The following AGBL1 variants were observed in gnomAD, a reference collection of about 807,000 sequenced individuals.
AGBL1 encodes the protein AGBL carboxypeptidase 1.
In AGBL1, 130 loss-of-function variants were observed where a neutral mutation model predicts 118.9. The observed-to-expected ratio is 1.09, with a 90% CI of 0.95 to 1.26. AGBL1 has a LOEUF of 1.26. Among genes scored for constraint, AGBL1 ranks in the 50% most tolerant of loss-of-function variants. The pLI is 0.00. For synonymous variants in AGBL1, 555 were observed against 478.9 expected (o/e 1.16, Z -2.08); for missense variants, 1,584 against 1,298.1 (o/e 1.22, Z -3.38).
At chr15:86,313,464 C>G (rs912322871) in intron 17 of AGBL1, among the ~76,000 whole-genome samples, 3 of 152,138 alleles carry the variant, frequency 2.0e-5, no homozygotes, top group Admixed American at 6.5e-5. Flanking sequence ...ATCTTAATTT[C>G]TTTTCAATCA....
At chr15:86,890,206 G>A (rs1476760311) in intron 22 of AGBL1, among the ~76,000 whole-genome samples, 3 of 152,142 alleles carry the variant, frequency 2.0e-5, no homozygotes, top group African/African-American at 7.2e-5. Flanking sequence ...CTTTTGAGAA[G>A]TGTCTGTTCA....
intron 22 of AGBL1, among the ~76,000 whole-genome samples, chr15:86,782,167 C>G (rs1471875281): frequency 3.3e-5 from 5 of 152,066 alleles, no homozygotes; most frequent in Admixed American, 6.6e-5. Flanking sequence ...ACGTTTTTAT[C>G]TCTTTTAAAT....
downstream of AGBL1, among the ~76,000 whole-genome samples, chr15:86,920,408 G>A (rs987260342): frequency 5.9e-5 from 9 of 152,178 alleles, no homozygotes; most frequent in Non-Finnish European, 4.4e-5. Flanking sequence ...AGGCTAGTGT[G>A]ATTAGGTTAG....
At chr15:86,895,052 T>TCTTCC (rs1555460500) in intron 22 of AGBL1, among the ~76,000 whole-genome samples, 1 of 145,696 alleles carries the variant, frequency 6.9e-6, no homozygotes, top group Non-Finnish European at 1.5e-5. Context: ...TTTTGTTCCT[T>TCTTCC]CTTTCTTTTA....
intron 22 of AGBL1, among the ~76,000 whole-genome samples, chr15:86,857,931 A>C (rs1331727860): frequency 2.6e-5 from 4 of 152,098 alleles, no homozygotes; most frequent in African/African-American, 9.7e-5. Flanking sequence ...CTTTTCTTTC[A>C]CAAATGTTTT....
intron 21 of AGBL1, among the ~76,000 whole-genome samples, chr15:86,563,992 C>T (rs906676032): frequency 2.0e-5 from 3 of 152,134 alleles, no homozygotes; most frequent in Admixed American, 6.5e-5. Flanking sequence ...GGTAGATCTT[C>T]CTCCATCCCT....
chr15:86,092,937 C>T (rs1896129533), intron 1 of AGBL1, among the ~76,000 whole-genome samples: 2 of 152,154 alleles, frequency 1.3e-5, no homozygotes, highest in South Asian at 4.1e-4. Flanking sequence ...TCCCTTAATA[C>T]AATTGCATTG....
intron 23 of AGBL1, among the ~76,000 whole-genome samples, chr15:86,985,917 G>T (rs2464280): frequency 0.82 from 123,691 of 151,224 alleles, 51,115 homozygotes; most frequent in South Asian, 0.95. Flanking sequence ...TATATGGATA[G>T]CAATCTTTTT....
At chr15:86,944,099 C>T (rs1024470667) in intron 23 of AGBL1, among the ~76,000 whole-genome samples, 5 of 152,054 alleles carry the variant, frequency 3.3e-5, no homozygotes, top group Non-Finnish European at 5.9e-5. Flanking sequence ...GGGTGGGGCG[C>T]GGTGGCTCAT....
intron 17 of AGBL1, among the ~76,000 whole-genome samples, chr15:86,353,674 T>C (rs1012958926): frequency 6.6e-6 from 1 of 152,190 alleles, no homozygotes; most frequent in Non-Finnish European, 1.5e-5. Context: ...AGGTTTATCT[T>C]GGAAACCACA....
At chr15:86,814,758 C>G (rs1244791525) in intron 22 of AGBL1, among the ~76,000 whole-genome samples, 2 of 152,178 alleles carry the variant, frequency 1.3e-5, no homozygotes, top group African/African-American at 4.8e-5. Flanking sequence ...CCAACACTCA[C>G]CAAAGAAAAC....
chr15:86,707,531 A>G (rs1185184722), intron 22 of AGBL1, among the ~76,000 whole-genome samples: 2 of 152,132 alleles, frequency 1.3e-5, no homozygotes, highest in East Asian at 1.9e-4. Context: ...AAGATACTAC[A>G]TTGTAGAAAT....
chr15:86,564,741 C>T (rs1476911336), intron 21 of AGBL1, among the ~76,000 whole-genome samples: 1 of 152,184 alleles, frequency 6.6e-6, no homozygotes, highest in East Asian at 1.9e-4. Flanking sequence ...AACTTGGTTC[C>T]ATTCACCCCA....
At chr15:86,897,485 T>C (rs1230395381) in intron 22 of AGBL1, among the ~76,000 whole-genome samples, 2 of 152,130 alleles carry the variant, frequency 1.3e-5, no homozygotes, top group Non-Finnish European at 2.9e-5. Context: ...TCTATTATCT[T>C]CTCTCCTATT....
intron 22 of AGBL1, among the ~76,000 whole-genome samples, chr15:86,780,048 T>A (rs529375994): frequency 1.3e-5 from 2 of 152,326 alleles, no homozygotes; most frequent in Admixed American, 6.5e-5. Context: ...ATTTAAGAAA[T>A]CTTTGCCTAC....
chr15:86,888,463 G>C (rs147891437), intron 22 of AGBL1, among the ~76,000 whole-genome samples: 1 of 152,062 alleles, frequency 6.6e-6, no homozygotes, highest in East Asian at 1.9e-4. Flanking sequence ...AATTCACACT[G>C]TCGATTCTTT....
intron 22 of AGBL1, among the ~76,000 whole-genome samples, chr15:86,744,228 A>G (rs1197908100): frequency 4.6e-5 from 7 of 152,164 alleles, no homozygotes; most frequent in African/African-American, 1.7e-4. Flanking sequence ...CTTTGGAAAT[A>G]AAAGTGGAAA....
In AGBL1 at chr15:86,997,890, G is replaced by GACAC. The variant is rs3030280; in HGVS notation, c.3323+9845_3323+9848dup. Among the ~76,000 whole-genome samples, 139 of 145,930 alleles carry GACAC rather than the reference G, an allele frequency of 9.5e-4. 1 individual carries two copies. The highest frequency in any genetic ancestry group is 3.2e-3 in the South Asian group (14 of 4,400). On this transcript the variant is annotated intron_variant, in intron 24 of 24. Coordinates refer to the AGBL1 transcript ENST00000441037. ...CAATATATTGGCCAAACATGTGGAAGACACACACACACACACACACACACA... is the reference window on the plus strand; with the variant it reads ...CAATATATTGGCCAAACATGTGGAAGACACACACACACACACACACACACACACA...
chr15:86,320,916 G>A lies in AGBL1; in HGVS notation c.2374+25508G>A, dbSNP rs186173551. ...GATAATCACATGAATTGATTTTATA[G>A]TGTTAAACTGTGCATGCAGTTCTGG... is the stretch of plus-strand genomic sequence containing the variant. On this transcript the variant is annotated intron_variant, in intron 17 of 22. Coordinates refer to ENST00000614907, the MANE Select transcript of AGBL1 (RefSeq NM_001386094.1). Among the ~76,000 whole-genome samples the A allele has an allele frequency of 4.2e-3, 632 of 152,118 alleles. 6 individuals are homozygous for A. The highest frequency in any genetic ancestry group is 0.014 in the African/African-American group (590 of 41,486).
Sources: gnomAD v4.1 joint callset for allele counts (sites outside exome capture counted in the v4.1 genomes callset) on GRCh38, gnomAD v4.1.1 for gene constraint, MANE v1.5 for transcripts, NCBI Gene and HGNC (gene_info 2026-07-23, HGNC 2026-07-21) for gene names.